The following NOVA1 variants were observed in gnomAD, a reference collection of about 807,000 sequenced individuals.
NOVA1 encodes the protein NOVA alternative splicing regulator 1.
In NOVA1, 7 loss-of-function variants were observed where a neutral mutation model predicts 38.0. The ratio of observed to expected loss-of-function variants is 0.18; its 90% confidence interval spans 0.10 to 0.35. The LOEUF (loss-of-function observed/expected upper bound fraction) is 0.35, where lower values mean the gene tolerates loss of function less well. Ranked by LOEUF, NOVA1 falls within the 10% of genes least tolerant of loss-of-function variation. NOVA1 has a pLI of 1.00. For synonymous variants in NOVA1, 270 were observed against 232.5 expected (o/e 1.16, Z -1.47); for missense variants, 460 against 616.0 (o/e 0.75, Z 2.68).
intron 1 of NOVA1, chr14:26,596,047 T>A (rs1018038097): frequency 1.6e-5 from 4 of 250,104 alleles, no homozygotes; most frequent in Admixed American, 1.5e-4. Context: ...ATTGCCTATA[T>A]CCTACTTAAA....
intron 2 of NOVA1, among the ~76,000 whole-genome samples, chr14:26,509,973 C>T (rs1044851081): frequency 6.6e-6 from 1 of 152,246 alleles, no homozygotes; most frequent in East Asian, 1.9e-4. Context: ...AGCCACCGCG[C>T]CTGGCCAATA....
intron 2 of NOVA1, among the ~76,000 whole-genome samples, chr14:26,511,152 C>G (rs936370236): frequency 6.6e-6 from 1 of 152,054 alleles, no homozygotes; most frequent in Non-Finnish European, 1.5e-5. Flanking sequence ...TGGGAAAATT[C>G]TTTTTAAGGT....
At chr14:26,515,367 A>G (rs1343943173) in intron 2 of NOVA1, among the ~76,000 whole-genome samples, 1 of 151,990 alleles carries the variant, frequency 6.6e-6, no homozygotes, top group African/African-American at 2.4e-5. Context: ...ATTTTCTAAA[A>G]CACTTATTAT....
intron 2 of NOVA1, among the ~76,000 whole-genome samples, chr14:26,486,317 T>C (rs1256509137): frequency 6.6e-6 from 1 of 152,098 alleles, no homozygotes; most frequent in Non-Finnish European, 1.5e-5. Context: ...AAATATCTGA[T>C]TATAACAGGC....
chr14:26,576,608 T>G (rs2138745609), intron 2 of NOVA1, among the ~76,000 whole-genome samples: 1 of 151,996 alleles, frequency 6.6e-6, no homozygotes, highest in South Asian at 2.1e-4. Flanking sequence ...TCTGTGTGTG[T>G]GTATATATAT....
Position 26,448,030 on chromosome 14 carries a change from G to T in NOVA1, c.1453C>A (p.Gln485Lys). 1 of 1,614,122 alleles carries T rather than the reference G, an allele frequency of 6.2e-7. No homozygotes were observed. The highest frequency in any genetic ancestry group is 1.1e-5 in the South Asian group (1 of 91,064). The part of the protein sequence containing the change: ...TGTPAATQAA[Q>K]YLITQRITYE... Reference sequence around the variant, plus strand: ...GTGATCCTTTGTGTAATTAAATATTGAGCAGCCTGTGTTGCAGCTGGTGTT... The same window carrying T: ...GTGATCCTTTGTGTAATTAAATATTTAGCAGCCTGTGTTGCAGCTGGTGTT... The change falls in exon 5 of 5, where the codon CAA becomes AAA. Residue 485 changes from glutamine (Q) to lysine (K), a missense_variant. Transcript: ENST00000539517. This position sits in a 1 kb window ranked among gnomAD's most constrained non-coding sequence, Gnocchi z 5.3.
chr14:26,496,445 C>T (rs1011069294), intron 2 of NOVA1, among the ~76,000 whole-genome samples: 26 of 152,064 alleles, frequency 1.7e-4, no homozygotes, highest in Non-Finnish European at 3.5e-4. Flanking sequence ...CTGTAGGTTG[C>T]CTGTTCACTC....
At chr14:26,579,741 A>G (rs1303805059) in intron 2 of NOVA1, among the ~76,000 whole-genome samples, 1 of 152,152 alleles carries the variant, frequency 6.6e-6, no homozygotes, top group Non-Finnish European at 1.5e-5. Flanking sequence ...ATGGAAAGGA[A>G]TAAAAAAAGT....
At chr14:26,490,549 T>C (rs541252978) in intron 2 of NOVA1, among the ~76,000 whole-genome samples, 1 of 152,358 alleles carries the variant, frequency 6.6e-6, no homozygotes, top group South Asian at 2.1e-4. Context: ...TGTGAAGAGC[T>C]ATCTTGGAGT....
At chr14:26,526,108 C>T (rs1194290978) in intron 2 of NOVA1, among the ~76,000 whole-genome samples, 2 of 151,934 alleles carry the variant, frequency 1.3e-5, no homozygotes, top group Non-Finnish European at 2.9e-5. Context: ...TTATAATGTA[C>T]TCAATGGAAA....
chr14:26,480,286 T>C (rs919368670), intron 2 of NOVA1, 143 bp from the exon 3 acceptor site: 4 of 682,708 alleles, frequency 5.9e-6, no homozygotes, highest in Admixed American at 6.2e-5. Context: ...ACGTAATATA[T>C]ACATGTCTCT....
At chr14:26,550,320 T>C (rs1292723615) in intron 2 of NOVA1, among the ~76,000 whole-genome samples, 1 of 152,130 alleles carries the variant, frequency 6.6e-6, no homozygotes, top group Non-Finnish European at 1.5e-5. Context: ...AAAAAGTTAT[T>C]CTGAAATTCC....
At chr14:26,465,770 T>C (rs2138224985) in intron 4 of NOVA1, among the ~76,000 whole-genome samples, 1 of 152,264 alleles carries the variant, frequency 6.6e-6, no homozygotes, top group South Asian at 2.1e-4. Flanking sequence ...TCAACAAATA[T>C]TTACTGAGGA....
At chr14:26,470,940 A>G (rs1202658960) in intron 4 of NOVA1, among the ~76,000 whole-genome samples, 1 of 152,130 alleles carries the variant, frequency 6.6e-6, no homozygotes, top group East Asian at 1.9e-4. Context: ...TTTATACCAT[A>G]TAATTAAAAC....
In NOVA1 at chr14:26,446,241, TC is replaced by T. The variant is rs1299412358; in HGVS notation, c.*1717del. On this transcript the variant is annotated 3_prime_UTR_variant, in exon 5 of 5. Transcript: ENST00000539517. ...AAGGGGAAGGGATCAGGAAATAATTTCAAGTTCTCAATGTCCAAAAGTAAAT... is the reference window on the plus strand; with the variant it reads ...AAGGGGAAGGGATCAGGAAATAATTTAAGTTCTCAATGTCCAAAAGTAAAT... 2 of 152,524 alleles carry T rather than the reference TC, an allele frequency of 1.3e-5. No individual in the cohort carries two copies. Among genetic ancestry groups the T allele is most frequent in the Non-Finnish European group, 2.9e-5 (2 of 68,008 alleles). 9.4% of individuals were successfully genotyped at this position (152,524 alleles called of 1,614,324 possible).
At chr14:26,508,525 T>A (rs753148879) in intron 2 of NOVA1, among the ~76,000 whole-genome samples, 20 of 148,732 alleles carry the variant, frequency 1.3e-4, no homozygotes, top group Non-Finnish European at 2.4e-4. Context: ...AATACCAACA[T>A]TAAACCAAGA....
At chr14:26,542,101 G>T (rs1047550681) in intron 2 of NOVA1, among the ~76,000 whole-genome samples, 35 of 151,788 alleles carry the variant, frequency 2.3e-4, no homozygotes, top group African/African-American at 8.2e-4. Context: ...ATTAGGTAAG[G>T]TAAACATATC....
At chr14:26,464,751 T>C (rs1415535411) in intron 4 of NOVA1, among the ~76,000 whole-genome samples, 2 of 152,124 alleles carry the variant, frequency 1.3e-5, no homozygotes, top group East Asian at 1.9e-4. Context: ...AAAATTGTAA[T>C]ATATTTATAT....
At chr14:26,480,235 T>C in intron 2 of NOVA1, 92 bp from the exon 3 acceptor site, 1 of 1,065,494 alleles carries the variant, frequency 9.4e-7, no homozygotes, top group Non-Finnish European at 1.3e-6. Flanking sequence ...CAAAAAAATG[T>C]AAAATGCAGA....
Sources: allele counts gnomAD v4.1 joint callset (sites outside exome capture counted in the v4.1 genomes callset), GRCh38; gene constraint gnomAD v4.1.1; non-coding constraint Gnocchi (gnomAD v3.1); transcripts MANE v1.5; gene names NCBI Gene and HGNC (gene_info 2026-07-23, HGNC 2026-07-21).